ODR4: variants seen among roughly 807,000 people sequenced by gnomAD.
The protein encoded by ODR4 is odr-4 GPCR localization factor homolog, also known as protein odr-4 homolog.
ODR4 carries 47 observed loss-of-function variants against 60.2 expected under a neutral mutation model. The ratio of observed to expected loss-of-function variants is 0.78; its 90% CI spans 0.62 to 1.00. The LOEUF is 1.00. ODR4 is among the 50% of genes least tolerant of loss of function. The pLI is 0.00. For synonymous variants in ODR4, 178 were observed against 175.5 expected (o/e 1.01, Z -0.11); for missense variants, 488 against 530.8 (o/e 0.92, Z 0.79).
intron 9 of ODR4, 44 bp downstream of exon 9, chr1:186,394,059 C>T (rs1381849241): frequency 4.9e-6 from 5 of 1,026,230 alleles, no homozygotes; most frequent in Non-Finnish European, 7.2e-6. Flanking sequence ...TTAGCATAAC[C>T]ATAATGAAAC....
At chr1:186,384,440 T>C (rs548003397) in intron 3 of ODR4, among the ~76,000 whole-genome samples, 110 of 152,212 alleles carry the variant, frequency 7.2e-4, no homozygotes, top group Middle Eastern at 3.4e-3. Context: ...CATTTCAACA[T>C]GGTGTTTAAG....
At chr1:186,402,933 C>A (rs982210279) in intron 11 of ODR4, among the ~76,000 whole-genome samples, 1 of 151,954 alleles carries the variant, frequency 6.6e-6, no homozygotes, top group Non-Finnish European at 1.5e-5. Context: ...TTTGAGGCTG[C>A]AAGATTAAAT....
At chr1:186,404,501 G>A (rs887931057) in intron 11 of ODR4, among the ~76,000 whole-genome samples, 1 of 152,156 alleles carries the variant, frequency 6.6e-6, no homozygotes, top group African/African-American at 2.4e-5. Context: ...GCACATTAGA[G>A]TCATTTTTGA....
chr1:186,393,254 C>T (rs2102041665), intron 8 of ODR4, among the ~76,000 whole-genome samples: 1 of 152,198 alleles, frequency 6.6e-6, no homozygotes, highest in Non-Finnish European at 1.5e-5. Context: ...TGTAACAAAT[C>T]TGCACATGTA....
At chr1:186,407,534 A>G (rs1321155993) in intron 12 of ODR4, among the ~76,000 whole-genome samples, 1 of 152,056 alleles carries the variant, frequency 6.6e-6, no homozygotes, top group Non-Finnish European at 1.5e-5. Flanking sequence ...AAATTGACCT[A>G]ATTTAACCTC....
At chr1:186,378,730 CAACTT>C (rs1218975313) in intron 1 of ODR4, among the ~76,000 whole-genome samples, 4 of 152,170 alleles carry the variant, frequency 2.6e-5, no homozygotes, top group Non-Finnish European at 5.9e-5. Context: ...GTTATTTAAT[CAACTT>C]TTCTCATTTC....
chr1:186,432,634 G>C, the ODR4 span, among the ~76,000 whole-genome samples: 1 of 151,186 alleles, frequency 6.6e-6, no homozygotes. Context: ...TATTTTTTTT[G>C]TTTTCAAATT....
the ODR4 span, among the ~76,000 whole-genome samples, chr1:186,432,617 A>G: frequency 3.3e-5 from 5 of 152,038 alleles, no homozygotes; most frequent in East Asian, 1.9e-4. Flanking sequence ...ATATTTTTCT[A>G]GAAATCTATT....
At chr1:186,389,852 G>A (rs554519836) in intron 6 of ODR4, among the ~76,000 whole-genome samples, 1 of 152,320 alleles carries the variant, frequency 6.6e-6, no homozygotes, top group African/African-American at 2.4e-5. Context: ...CAGTGATGCA[G>A]TCATAGCTCA....
At chr1:186,384,138 A>G (rs534122926) in intron 3 of ODR4, among the ~76,000 whole-genome samples, 1 of 152,310 alleles carries the variant, frequency 6.6e-6, no homozygotes, top group East Asian at 1.9e-4. Context: ...TTATAAAGAA[A>G]AAAAGGCCTG....
chr1:186,396,653 C>A (rs1660689498), intron 9 of ODR4, among the ~76,000 whole-genome samples: 1 of 151,308 alleles, frequency 6.6e-6, no homozygotes, highest in Non-Finnish European at 1.5e-5. Context: ...AAAAATACCT[C>A]TTTTCTTTAA....
At chr1:186,379,973 C>G (rs916891795) in intron 2 of ODR4, 89 bp downstream of exon 2, 8 of 744,288 alleles carry the variant, frequency 1.1e-5, no homozygotes, top group Non-Finnish European at 1.6e-5. Context: ...TTAAAAGATG[C>G]TATTTAATAA....
chr1:186,383,054 C>T lies in ODR4; in HGVS notation c.132C>T (p.Ala44=). 6.3e-7 allele frequency: 1 copy of T among 1,582,618 alleles called. No homozygotes were observed. The highest frequency in any genetic ancestry group is 8.6e-7 in the Non-Finnish European group (1 of 1,163,258). Residue 44 remains alanine (A), a synonymous_variant, in exon 3 of 14, where the codon GCC becomes GCT. Coordinates refer to ENST00000287859, the MANE Select transcript of ODR4 (RefSeq NM_017847.6). ...CACAAAAGGATTATGTGATTCTTGC[C>T]ACTAGAACGCCACCCAAAGAGGAGC... ...CSSQKDYVIL[A]TRTPPKEEQS...
At chr1:186,395,329 A>G (rs1380776939) in intron 9 of ODR4, among the ~76,000 whole-genome samples, 2 of 151,998 alleles carry the variant, frequency 1.3e-5, no homozygotes, top group Middle Eastern at 3.2e-3. Flanking sequence ...TCCTGACCAT[A>G]TGATCCGCCT....
intron 12 of ODR4, among the ~76,000 whole-genome samples, chr1:186,411,633 T>C (rs377053390): frequency 4.6e-5 from 7 of 151,948 alleles, no homozygotes; most frequent in African/African-American, 1.7e-4. Flanking sequence ...CATGAACCAG[T>C]AAATATGAAA....
At chr1:186,402,967 A>G (rs1661041556) in intron 11 of ODR4, among the ~76,000 whole-genome samples, 1 of 152,208 alleles carries the variant, frequency 6.6e-6, no homozygotes, top group Admixed American at 6.5e-5. Flanking sequence ...TAAGGCCCCT[A>G]ATAAAATTGG....
In ODR4 at chr1:186,375,879, G is replaced by T. The variant is rs765554253; in HGVS notation, c.-115G>T. On this transcript the variant is annotated 5_prime_UTR_variant, in exon 1 of 14. Transcript: ENST00000287859. ...GTGAATTGAGACCGGAGGGAATCTG[G>T]CCCCTAGAGGCTGGTACTTGGGCCC... is the stretch of plus-strand genomic sequence containing the variant. 2.8e-5 allele frequency: 6 copies of T among 216,244 alleles called. No homozygotes were observed. Among genetic ancestry groups the T allele is most frequent in the African/African-American group, 9.0e-5 (4 of 44,410 alleles). The allele number at this position is 216,244 out of a possible 1,614,324, so 13.4% of individuals were successfully genotyped here.
chr1:186,419,154 A>C lies in ODR4; in HGVS notation c.*78A>C. 1 of 1,287,036 alleles carries C rather than the reference A, an allele frequency of 7.8e-7. No individual in the cohort carries two copies. The highest frequency in any genetic ancestry group is 1.1e-6 in the Non-Finnish European group (1 of 908,208). 79.7% of individuals were successfully genotyped at this position (1,287,036 alleles called of 1,614,324 possible). ...TGAATAATAAAGATGTTAACAATCCATCTGTATTTAAAACACTAGCAGCCA... is the reference window on the plus strand; with the variant it reads ...TGAATAATAAAGATGTTAACAATCCCTCTGTATTTAAAACACTAGCAGCCA... On this transcript the variant is annotated 3_prime_UTR_variant, in exon 14 of 14. Coordinates refer to ENST00000287859, the MANE Select transcript of ODR4 (RefSeq NM_017847.6).
intron 9 of ODR4, among the ~76,000 whole-genome samples, chr1:186,395,054 T>C (rs1038916439): frequency 6.6e-6 from 1 of 152,152 alleles, no homozygotes; most frequent in Admixed American, 6.5e-5. Context: ...TATAGAGAGA[T>C]GAGTGGAAGA....
Sources: gnomAD v4.1 joint callset for allele counts (sites outside exome capture counted in the v4.1 genomes callset) on GRCh38, gnomAD v4.1.1 for gene constraint, MANE v1.5 for transcripts, NCBI Gene and HGNC (gene_info 2026-07-23, HGNC 2026-07-21) for gene names.